Variants in PLBD1 observed in about 807,000 individuals in gnomAD.
PLBD1 encodes the protein phospholipase B domain containing 1.
PLBD1 carries 60 observed loss-of-function variants against 63.0 expected under a neutral mutation model. That is an observed-to-expected ratio of 0.95 (90% CI 0.77 to 1.18). The LOEUF (loss-of-function observed/expected upper bound fraction) is 1.18. Ranked by LOEUF, PLBD1 falls within the 50% of genes most tolerant of loss-of-function variation. The probability of loss-of-function intolerance (pLI) is 0.00; values close to 1 mark genes in which losing one functional copy is unlikely to be tolerated. For synonymous variants in PLBD1, 262 were observed against 248.0 expected (o/e 1.06, Z -0.53); for missense variants, 598 against 677.9 (o/e 0.88, Z 1.31).
chr12:14,535,434 CA>C (rs1945505444), intron 6 of PLBD1, among the ~76,000 whole-genome samples: 1 of 152,198 alleles, frequency 6.6e-6, no homozygotes, highest in Non-Finnish European at 1.5e-5. Context: ...TTTACATTTA[CA>C]AAGTGTCTTC....
At chr12:14,510,053 C>G (rs527249604) in intron 8 of PLBD1, among the ~76,000 whole-genome samples, 1 of 152,138 alleles carries the variant, frequency 6.6e-6, no homozygotes, top group African/African-American at 2.4e-5. Context: ...TTGGGAAACA[C>G]CTCATAATCA....
intron 6 of PLBD1, among the ~76,000 whole-genome samples, chr12:14,521,598 C>A (rs1945376795): frequency 6.6e-6 from 1 of 152,122 alleles, no homozygotes; most frequent in Admixed American, 6.5e-5. Context: ...CACCTGGAAC[C>A]ACAGCCAATG....
intron 6 of PLBD1, among the ~76,000 whole-genome samples, chr12:14,516,265 G>C (rs1308099611): frequency 1.3e-5 from 2 of 152,154 alleles, no homozygotes; most frequent in Admixed American, 6.5e-5. Flanking sequence ...GGAGGCGGAG[G>C]CTGCAGTGAG....
At chr12:14,548,003 T>A (rs1400248487) in intron 2 of PLBD1, among the ~76,000 whole-genome samples, 1 of 152,194 alleles carries the variant, frequency 6.6e-6, no homozygotes, top group Non-Finnish European at 1.5e-5. Context: ...TAATGATACA[T>A]ACCTCATGGT....
chr12:14,524,317 A>G (rs867577368), intron 6 of PLBD1, among the ~76,000 whole-genome samples: 1 of 152,178 alleles, frequency 6.6e-6, no homozygotes, highest in Non-Finnish European at 1.5e-5. Context: ...TGTCCTTACC[A>G]TTAGAAAGTG....
chr12:14,525,689 A>G (rs1945410936), intron 6 of PLBD1, among the ~76,000 whole-genome samples: 1 of 123,568 alleles, frequency 8.1e-6, no homozygotes, highest in Non-Finnish European at 1.7e-5. Flanking sequence ...CTCAACACAC[A>G]CACACACACA....
In PLBD1 at chr12:14,553,175, C is replaced by T. The variant is rs1160281617; in HGVS notation, c.335+18G>A. 1.3e-6 allele frequency: 2 copies of T among 1,594,108 alleles called. No individual in the cohort carries two copies. The highest frequency in any genetic ancestry group is 3.5e-5 in the Admixed American group (2 of 57,012). On this transcript the variant is annotated intron_variant, in intron 2 of 10. Coordinates refer to ENST00000240617, the MANE Select transcript of PLBD1 (RefSeq NM_024829.6). Reference sequence around the variant, plus strand: ...AGGGGTTGCCTGGCAGTGGCTCTACCATGACTGGGATACTTACGGGGCAGT... The same window carrying T: ...AGGGGTTGCCTGGCAGTGGCTCTACTATGACTGGGATACTTACGGGGCAGT...
At chr12:14,562,679 A>T (rs1945750686) in intron 1 of PLBD1, among the ~76,000 whole-genome samples, 1 of 152,214 alleles carries the variant, frequency 6.6e-6, no homozygotes, top group South Asian at 2.1e-4. Flanking sequence ...GAAAGATTGT[A>T]ACATATAAGT....
intron 2 of PLBD1, among the ~76,000 whole-genome samples, chr12:14,548,505 AGGGTGAGGCTGTGTCTG>A (rs1945633406): frequency 6.9e-6 from 1 of 144,520 alleles, no homozygotes; most frequent in Non-Finnish European, 1.5e-5. Flanking sequence ...GAAATTTTTG[AGGGTGAGGCTGTGTCTG>A]AGTTTGCTTT....
rs571723972 is a variant in PLBD1 at position 14,534,656 on chromosome 12, G to C, written c.844+1003C>G. ...CCTCCCGGGTTCACGCCATTCTCTC[G>C]CCTCAGCCTCCAGAGTAGCTGCGAC... On this transcript the variant is annotated intron_variant, in intron 6 of 10. Coordinates refer to ENST00000240617, the MANE Select transcript of PLBD1 (RefSeq NM_024829.6). Among the ~76,000 whole-genome samples the C allele has an allele frequency of 5.4e-4, 81 of 150,658 alleles. 1 individual carries two copies. The highest frequency in any genetic ancestry group is 1.9e-3 in the African/African-American group (77 of 40,948).
chr12:14,538,678 G>C (rs761817172), intron 4 of PLBD1, among the ~76,000 whole-genome samples: 11 of 152,268 alleles, frequency 7.2e-5, no homozygotes, highest in Non-Finnish European at 1.5e-4. Context: ...ATTCCTAGAA[G>C]TGATTTAGAT....
intron 1 of PLBD1, among the ~76,000 whole-genome samples, chr12:14,564,435 C>G (rs1455260308): frequency 6.6e-6 from 1 of 152,174 alleles, no homozygotes; most frequent in African/African-American, 2.4e-5. Context: ...TAGGCAAGCA[C>G]CATGCAGTGG....
chr12:14,537,583 T>C (rs751766117), intron 4 of PLBD1, among the ~76,000 whole-genome samples: 1 of 152,210 alleles, frequency 6.6e-6, no homozygotes, highest in Admixed American at 6.5e-5. Context: ...AGCATTGACT[T>C]TGAAGCAATT....
intron 4 of PLBD1, 105 bp from the exon 5 acceptor site, chr12:14,536,815 A>C: frequency 7.0e-7 from 1 of 1,432,280 alleles, no homozygotes; most frequent in Non-Finnish European, 9.5e-7. Flanking sequence ...CAGGCTGTGC[A>C]TGGTGGCTCA....
chr12:14,506,268 T>C lies in PLBD1; in HGVS notation c.1373A>G (p.Asn458Ser). The change falls in exon 10 of 11, where the codon AAT becomes AGT. Residue 458 changes from asparagine (N) to serine (S), a missense_variant and splice_region_variant. Coordinates refer to ENST00000240617, the MANE Select transcript of PLBD1 (RefSeq NM_024829.6). ...TCTACTGTAAGGATCCTTCTTATAATCTAGGAAACAGAAATGGGGAAGAGA... is the reference window on the plus strand; with the variant it reads ...TCTACTGTAAGGATCCTTCTTATAACCTAGGAAACAGAAATGGGGAAGAGA... ...ASMKYIMRYN[N>S]YKKDPYSRGD... 1 of 1,592,332 alleles carries C rather than the reference T, an allele frequency of 6.3e-7. No homozygotes were observed.
At chr12:14,528,628 T>C (rs545188990) in intron 6 of PLBD1, among the ~76,000 whole-genome samples, 1 of 152,120 alleles carries the variant, frequency 6.6e-6, no homozygotes, top group Non-Finnish European at 1.5e-5. Flanking sequence ...TTGCTTATGA[T>C]AGAAAGATCA....
At chr12:14,550,388 G>C (rs779059885) in intron 2 of PLBD1, among the ~76,000 whole-genome samples, 11 of 152,360 alleles carry the variant, frequency 7.2e-5, no homozygotes, top group Non-Finnish European at 1.3e-4. Context: ...CAATTTGCAA[G>C]AAGTCTTTTT....
intron 2 of PLBD1, among the ~76,000 whole-genome samples, chr12:14,543,593 C>T (rs1459433600): frequency 5.9e-5 from 9 of 151,910 alleles, no homozygotes; most frequent in Non-Finnish European, 1.2e-4. Context: ...GCCCTGGAGG[C>T]GTGCACCTGT....
intron 6 of PLBD1, among the ~76,000 whole-genome samples, chr12:14,519,493 C>G (rs1309848222): frequency 6.6e-6 from 1 of 151,948 alleles, no homozygotes; most frequent in Non-Finnish European, 1.5e-5. Context: ...GTGGCATGCA[C>G]CTGTAGTCCC....
Sources: allele counts gnomAD v4.1 joint callset (sites outside exome capture counted in the v4.1 genomes callset), GRCh38; gene constraint gnomAD v4.1.1; transcripts MANE v1.5; gene names NCBI Gene and HGNC (gene_info 2026-07-23, HGNC 2026-07-21).